The following COL1A1 variants were observed in gnomAD, a reference collection of about 807,000 sequenced individuals.
COL1A1 encodes the protein collagen alpha-1(I) chain.
In COL1A1, 21 loss-of-function variants were observed where a neutral mutation model predicts 195.7. The ratio of observed to expected loss-of-function variants is 0.11; its 90% confidence interval spans 0.08 to 0.15. The LOEUF is 0.15. Ranked by LOEUF, COL1A1 falls within the 10% of genes least tolerant of loss-of-function variation. The pLI, the probability that COL1A1 is intolerant of heterozygous loss-of-function variation, is 1.00. For synonymous variants in COL1A1, 749 were observed against 747.3 expected, an observed-to-expected ratio of 1.00 and a Z score of -0.04; for missense variants, 1,365 against 2,051.0, an observed-to-expected ratio of 0.67 and a Z score of 6.46.
rs1224630639 is a variant in COL1A1 at position 50,197,997 on chromosome 17, G to A, written c.594C>T (p.Pro198=). The A allele has an allele frequency of 1.2e-6, 2 of 1,613,806 alleles. No homozygotes were observed. Among genetic ancestry groups the A allele is most frequent in the East Asian group, 4.5e-5 (2 of 44,880 alleles). Reference sequence around the variant, plus strand: ...CACCAGGGGGACCTTGGAAGCCTTGGGGACCCTTGAGAAGAAGGAAAAAGA... The same window carrying A: ...CACCAGGGGGACCTTGGAAGCCTTGAGGACCCTTGAGAAGAAGGAAAAAGA... ...GLPGPPGAPG[P]QGFQGPPGEP... The change falls in exon 8 of 51, where the codon CCC becomes CCT. Residue 198 remains proline, a synonymous_variant. Coordinates refer to ENST00000225964, the MANE Select transcript of COL1A1 (RefSeq NM_000088.4).
At chr17:50,191,679 C>T in intron 31 of COL1A1, 109 bp downstream of exon 31, 1 of 1,318,466 alleles carries the variant, frequency 7.6e-7, no homozygotes, top group African/African-American at 1.5e-5. Flanking sequence ...TCCCCCCACC[C>T]CACACCCTAT....
Position 50,194,872 on chromosome 17 carries a change from A to T in COL1A1, c.1354-44T>A, listed in dbSNP as rs1907435230. 1 of 1,560,800 alleles carries T rather than the reference A, an allele frequency of 6.4e-7. No individual in the cohort carries two copies. Among genetic ancestry groups the T allele is most frequent in the Non-Finnish European group, 8.7e-7 (1 of 1,144,652 alleles). ...AGGAGGCGGCCTGTGGTGAGGGGCC[A>T]TCCTGTGCCAGCCTCAGAGCCGGCT... is the stretch of plus-strand genomic sequence containing the variant. On this transcript the variant is annotated intron_variant, in intron 20 of 50. Transcript: ENST00000225964. The surrounding 1 kb of genome is among the most constrained non-coding windows in gnomAD (Gnocchi z 6.8).
In COL1A1 at chr17:50,198,673, G is replaced by C. The variant is rs78805959; in HGVS notation, c.472-169C>G. 0.012 allele frequency: 7,777 copies of C among 661,700 alleles called. 373 individuals carry two copies. The highest frequency in any genetic ancestry group is 0.11 in the African/African-American group (6,430 of 56,024). 41.0% of individuals were successfully genotyped at this position (661,700 alleles called of 1,614,324 possible). A position where few individuals can be genotyped will look rare whatever the true frequency, so the allele number is the denominator to read the frequency against. On this transcript the variant is annotated intron_variant, in intron 5 of 50. Transcript: ENST00000225964. ...GATGCATCCCTGCATCTAATCTAAT[G>C]AGACAATCCCAAATTGAGGGACAGT... is the stretch of plus-strand genomic sequence containing the variant.
intron 31 of COL1A1, 130 bp from the exon 32 acceptor site, chr17:50,191,620 A>C: frequency 9.0e-7 from 1 of 1,114,824 alleles, no homozygotes; most frequent in Non-Finnish European, 1.3e-6. Context: ...AGATGAAAAG[A>C]CTCACAGCCC....
In COL1A1 at chr17:50,198,229, G is replaced by A. The variant is rs113638816; in HGVS notation, c.544-24C>T. 9,706 of 1,613,270 alleles carry A rather than the reference G, an allele frequency of 6.0e-3. 69 individuals carry two copies. The highest frequency in any genetic ancestry group is 0.018 in the South Asian group (1,648 of 91,056). On this transcript the variant is annotated intron_variant, in intron 6 of 50. Coordinates refer to ENST00000225964, the MANE Select transcript of COL1A1 (RefSeq NM_000088.4). ...CCCTATAGAGGGAGAAGAAAGGGGGGTCATGGTGATCCCTCTGTAGGAAAG... is the reference window on the plus strand; with the variant it reads ...CCCTATAGAGGGAGAAGAAAGGGGGATCATGGTGATCCCTCTGTAGGAAAG...
In COL1A1 at chr17:50,199,411, C is replaced by A; in HGVS notation, c.369+7G>T. On this transcript the variant is annotated splice_region_variant and intron_variant, in intron 4 of 50. Transcript: ENST00000225964. ...CAGCCCCCCACAGCCCAGAGTGCAACGCTTACCCTTGGGCCTCGGGGGCCA... is the reference window on the plus strand; with the variant it reads ...CAGCCCCCCACAGCCCAGAGTGCAAAGCTTACCCTTGGGCCTCGGGGGCCA... 2 of 1,613,912 alleles carry A rather than the reference C, an allele frequency of 1.2e-6. No homozygotes were observed. Among genetic ancestry groups the A allele is most frequent in the Non-Finnish European group, 1.7e-6 (2 of 1,179,898 alleles).
rs2144542395 is a variant in COL1A1, at chr17:50,187,914, G to A, written c.3331C>T (p.Arg1111Cys). Residue 1111 changes from arginine to cysteine, a missense_variant, in exon 45 of 51, where the codon CGT (arginine) becomes TGT (cysteine). This residue lies in a region of COL1A1 where 671 missense variants were observed against 1,099.9 expected (regional missense o/e 0.61). Coordinates refer to ENST00000225964, the MANE Select transcript of COL1A1 (RefSeq NM_000088.4). ...GGACCCTGGAGGCCAGAGAAGCCAC[G>A]GTGACCCTTTATGCCTCTGTCGCCC... ...EQGDRGIKGH[R>C]GFSGLQGPPG... The A allele has an allele frequency of 1.9e-6, 3 of 1,612,500 alleles. No homozygotes were observed. Among genetic ancestry groups the A allele is most frequent in the African/African-American group, 1.3e-5 (1 of 75,022 alleles).
In COL1A1 at chr17:50,188,264, C is replaced by T. The variant is rs1906733402; in HGVS notation, c.3208-115G>A. ...TCTCCTCAGCTGCTTCCCACTGTGG[C>T]CATCTCTCCCAACTCCCAGGGAAAC... On this transcript the variant is annotated intron_variant, in intron 43 of 50. Coordinates refer to ENST00000225964, the MANE Select transcript of COL1A1 (RefSeq NM_000088.4). The surrounding 1 kb of genome is among the most constrained non-coding windows in gnomAD (Gnocchi z 5.6). 1 of 1,087,994 alleles carries T rather than the reference C, an allele frequency of 9.2e-7. No homozygotes were observed. Among genetic ancestry groups the T allele is most frequent in the East Asian group, 2.6e-5 (1 of 38,514 alleles). The allele number at this position is 1,087,994 out of a possible 1,614,324, so 67.4% of individuals were successfully genotyped here. A position where few individuals can be genotyped will look rare whatever the true frequency, so the allele number is the denominator to read the frequency against.
At chr17:50,196,551 T>C in intron 12 of COL1A1, 23 bp from the exon 13 acceptor site, 2 of 1,613,738 alleles carry the variant, frequency 1.2e-6, no homozygotes, top group Non-Finnish European at 1.7e-6. Flanking sequence ...GAATAATGAG[T>C]GAGAAATTCA....
chr17:50,184,399 G>A lies in COL1A1; in HGVS notation c.*1103C>T, dbSNP rs1906272811. The A allele has an allele frequency of 8.6e-6, 2 of 231,576 alleles. No individual in the cohort carries two copies. The highest frequency in any genetic ancestry group is 6.1e-5 in the East Asian group (1 of 16,440). 14.3% of individuals were successfully genotyped at this position (231,576 alleles called of 1,614,324 possible). On this transcript the variant is annotated 3_prime_UTR_variant, in exon 51 of 51. Transcript: ENST00000225964. ...GGAGAGAGGGTGGAAAGTGAGCAGC[G>A]GGCTGGGCTGGAGCCGCACACGCTC... is the stretch of plus-strand genomic sequence containing the variant.
rs1906510501 is a variant in COL1A1, at chr17:50,186,272, G to A, written c.4005+45C>T. On this transcript the variant is annotated intron_variant, in intron 49 of 50. Coordinates refer to ENST00000225964, the MANE Select transcript of COL1A1 (RefSeq NM_000088.4). This position sits in a 1 kb window ranked among gnomAD's most constrained non-coding sequence, Gnocchi z 5.3. ...ACTTCATGTCCCTTCTGAGCACTGG[G>A]CTAGCCCATCTCCTAACACTGGCTC... 6.8e-6 allele frequency: 11 copies of A among 1,610,710 alleles called. No individual in the cohort carries two copies. The highest frequency in any genetic ancestry group is 9.3e-6 in the Non-Finnish European group (11 of 1,178,492).
chr17:50,187,107 C>A lies in COL1A1; in HGVS notation c.3439G>T (p.Ala1147Ser), dbSNP rs909707017. The part of the protein sequence containing the change: ...PAGPRGPPGS[A>S]GAPGKDGLNG... ...AGTCCATCTTTGCCAGGAGCACCAG[C>A]AGAGCCAGGGGGACCCTGGAGTGGG... Residue 1147 changes from alanine to serine, a missense_variant, in exon 47 of 51, where the codon GCT (alanine) becomes TCT (serine). Ala to Ser is a moderately conservative substitution (Grantham distance 99, BLOSUM62 1). Transcript: ENST00000225964. 1 of 1,610,828 alleles carries A rather than the reference C, an allele frequency of 6.2e-7. No homozygotes were observed. Among genetic ancestry groups the A allele is most frequent in the African/African-American group, 1.3e-5 (1 of 74,828 alleles).
chr17:50,195,768 C>T lies in COL1A1; in HGVS notation c.1057-103G>A. On this transcript the variant is annotated intron_variant, in intron 16 of 50. Transcript: ENST00000225964. The surrounding 1 kb of genome is among the most constrained non-coding windows in gnomAD (Gnocchi z 4.3). ...GAGACAGGGACAGGAGAGCAATGAT[C>T]AGGACTCTAAGATCAGAGACGGAGA... 7.3e-7 allele frequency: 1 copy of T among 1,372,106 alleles called. No homozygotes were observed. 85.0% of individuals were successfully genotyped at this position (1,372,106 alleles called of 1,614,324 possible).
chr17:50,195,490 A>G lies in COL1A1; in HGVS notation c.1156-12T>C, dbSNP rs1298148991. 6.2e-7 allele frequency: 1 copy of G among 1,614,026 alleles called. No homozygotes were observed. The highest frequency in any genetic ancestry group is 8.5e-7 in the Non-Finnish European group (1 of 1,179,964). Reference sequence around the variant, plus strand: ...GCACCAGGGTTTCCCTGTGGCACAGAGAAAGGAGTGTCAGCAACAGGCAAG... The same window carrying G: ...GCACCAGGGTTTCCCTGTGGCACAGGGAAAGGAGTGTCAGCAACAGGCAAG... On this transcript the variant is annotated splice_polypyrimidine_tract_variant and intron_variant, in intron 17 of 50. Coordinates refer to ENST00000225964, the MANE Select transcript of COL1A1 (RefSeq NM_000088.4). This position sits in a 1 kb window ranked among gnomAD's most constrained non-coding sequence, Gnocchi z 4.3.
At chr17:50,197,861 G>T in intron 8 of COL1A1, 76 bp from the exon 9 acceptor site, 1 of 1,584,424 alleles carries the variant, frequency 6.3e-7, no homozygotes, top group Non-Finnish European at 8.7e-7. Context: ...AAGGGAAGAG[G>T]TAAGGAAGAC....
At position 50,193,040 on chromosome 17, in the gene COL1A1, G is replaced by C. The variant is rs1282477049; in HGVS notation, c.1775C>G (p.Pro592Arg). 1 of 1,613,932 alleles carries C rather than the reference G, an allele frequency of 6.2e-7. No individual in the cohort carries two copies. Among genetic ancestry groups the C allele is most frequent in the Admixed American group, 1.7e-5 (1 of 60,016 alleles). Residue 592 changes from proline to arginine, a missense_variant, in exon 26 of 51, where the codon CCC (proline) becomes CGC (arginine). This residue lies in a region of COL1A1 where 671 missense variants were observed against 1,099.9 expected (regional missense o/e 0.61). Coordinates refer to ENST00000225964, the MANE Select transcript of COL1A1 (RefSeq NM_000088.4). The part of the protein sequence containing the change: ...FPGPKGAAGE[P>R]GKAGERGVPG... Reference sequence around the variant, plus strand: ...AACACCTCGCTCTCCAGCCTTGCCGGGCTCTCCCTGTGGAGAAAGGGAGTT... The same window carrying C: ...AACACCTCGCTCTCCAGCCTTGCCGCGCTCTCCCTGTGGAGAAAGGGAGTT...
chr17:50,197,272 C>G, intron 9 of COL1A1, 39 bp from the exon 10 acceptor site: 1 of 1,605,422 alleles, frequency 6.2e-7, no homozygotes, highest in Non-Finnish European at 8.5e-7. Context: ...CTCTGCCTCC[C>G]CACCACCGCC....
chr17:50,199,675 G>T lies in COL1A1; in HGVS notation c.298+78C>A, dbSNP rs369426606. 375 of 1,606,844 alleles carry T rather than the reference G, an allele frequency of 2.3e-4. 1 individual carries two copies. The African/African-American group carries it at 4.3e-3, about 18-fold the overall frequency. ...GAGGCCTCCAGCACGGAGGGCCAGC[G>T]AGCGCCGACCACCCCCAGCCCCAGC... On this transcript the variant is annotated intron_variant, in intron 2 of 50. Transcript: ENST00000225964.
intron 9 of COL1A1, among the ~76,000 whole-genome samples, 175 bp from the exon 10 acceptor site, chr17:50,197,408 T>C (rs1174563821): frequency 6.6e-6 from 1 of 152,250 alleles, no homozygotes; most frequent in Non-Finnish European, 1.5e-5. Flanking sequence ...CTTCGTTTGG[T>C]GAAATCTGAG....
Sources: gnomAD v4.1 joint callset for allele counts (sites outside exome capture counted in the v4.1 genomes callset) on GRCh38, gnomAD v4.1.1 for gene constraint, gnomAD v4.1.1 regional missense constraint, Gnocchi (gnomAD v3.1) non-coding constraint, MANE v1.5 for transcripts, NCBI Gene and HGNC (gene_info 2026-07-23, HGNC 2026-07-21) for gene names.